Variants in CDH18 observed in about 807,000 individuals in gnomAD.
CDH18 encodes cadherin 18.
A neutral mutation model predicts 67.9 loss-of-function variants in CDH18; 31 were observed. The ratio of observed to expected loss-of-function variants is 0.46; its 90% CI spans 0.34 to 0.62. The LOEUF (loss-of-function observed/expected upper bound fraction) is 0.62, where lower values mean the gene tolerates loss of function less well. Among genes scored for constraint, CDH18 ranks in the 20% least tolerant of loss-of-function variants. The probability of loss-of-function intolerance (pLI) is 0.01; values close to 1 mark genes in which losing one functional copy is unlikely to be tolerated. For missense variants in CDH18, 890 were observed against 975.5 expected (o/e 0.91, Z 1.17); for synonymous variants, 362 against 347.2 (o/e 1.04, Z -0.48).
intron 2 of CDH18, among the ~76,000 whole-genome samples, chr5:20,048,061 A>G (rs1363351803): frequency 6.6e-6 from 1 of 151,536 alleles, no homozygotes. Flanking sequence ...ATTCCACATA[A>G]TTTTCCTGTT....
intron 1 of CDH18, among the ~76,000 whole-genome samples, chr5:20,564,310 C>T (rs984936188): frequency 1.2e-5 from 1 of 85,468 alleles, no homozygotes; most frequent in East Asian, 3.3e-4. Context: ...TGGAGTTTCG[C>T]TCTGTCACCC....
Position 20,363,078 on chromosome 5 carries a change from C to T in CDH18, c.-579-107573G>A, listed in dbSNP as rs78324786. On this transcript the variant is annotated intron_variant, in intron 1 of 14. Transcript: ENST00000507958. ...TACTGCCATGGTTGAGGCCATCGTC[C>T]TCTCTAGCCTGGATTGTGTCCATTG... Among the ~76,000 whole-genome samples the T allele has an allele frequency of 0.018, 2,726 of 152,254 alleles. 254 individuals are homozygous for T. The East Asian group carries it at 0.3, about 17-fold the overall frequency.
Position 19,743,508 on chromosome 5 carries a change from C to T in CDH18, c.523+3434G>A, listed in dbSNP as rs555510755. On this transcript the variant is annotated intron_variant, in intron 4 of 12. Transcript: ENST00000382275. ...TGCCAAAACTACCACAGACAATCTT[C>T]AAGTAAAGGAGTGTAACTGTGTTTC... 8.5e-5 allele frequency among the ~76,000 whole-genome samples: 13 copies of T among 152,264 alleles called. No individual in the cohort carries two copies. In the East Asian group the frequency reaches 2.5e-3, roughly 29 times the overall value.
intron 1 of CDH18, among the ~76,000 whole-genome samples, chr5:20,360,888 T>A (rs901183103): frequency 6.6e-6 from 1 of 152,084 alleles, no homozygotes; most frequent in African/African-American, 2.4e-5. Flanking sequence ...ACCTCCTCAC[T>A]CACAAAAATT....
chr5:20,133,545 C>T (rs1169445465), intron 2 of CDH18, among the ~76,000 whole-genome samples: 3 of 152,138 alleles, frequency 2.0e-5, no homozygotes, highest in Non-Finnish European at 4.4e-5. Flanking sequence ...CCATTAAATA[C>T]AGAATTATAA....
intron 5 of CDH18, among the ~76,000 whole-genome samples, chr5:19,695,975 G>A (rs1046416394): frequency 3.9e-5 from 6 of 152,098 alleles, no homozygotes; most frequent in East Asian, 1.9e-4. Context: ...AACTATCAGC[G>A]TAAGCATAGG....
intron 1 of CDH18, among the ~76,000 whole-genome samples, chr5:20,530,550 G>A (rs1011456576): frequency 1.3e-5 from 2 of 151,820 alleles, no homozygotes; most frequent in Non-Finnish European, 2.9e-5. Flanking sequence ...ACATAGACCA[G>A]TGGAACAGAA....
rs548504955 is a variant in CDH18 at position 20,012,014 on chromosome 5, T to C, written c.-517-20000A>G. Among the ~76,000 whole-genome samples, 12 of 152,252 alleles carry C rather than the reference T, an allele frequency of 7.9e-5. No homozygotes were observed. In the South Asian group the frequency reaches 1.0e-3, roughly 13 times the overall value. ...TTTGGAATAGTTTCAGTAGGAATGATACCAGCTCTTCTTTGTACATCTGGT... is the reference window on the plus strand; with the variant it reads ...TTTGGAATAGTTTCAGTAGGAATGACACCAGCTCTTCTTTGTACATCTGGT... On this transcript the variant is annotated intron_variant, in intron 2 of 14. Transcript: ENST00000507958.
chr5:20,223,783 G>T (rs1169714161), intron 2 of CDH18, among the ~76,000 whole-genome samples: 5 of 151,996 alleles, frequency 3.3e-5, no homozygotes, highest in Non-Finnish European at 7.4e-5. Flanking sequence ...CTTTGTGTAG[G>T]GGGAACTTGT....
chr5:20,219,880 G>A (rs527250354), intron 2 of CDH18, among the ~76,000 whole-genome samples: 1 of 151,832 alleles, frequency 6.6e-6, no homozygotes, highest in South Asian at 2.1e-4. Context: ...ATAAGGAGTA[G>A]AGATAATAAA....
intron 3 of CDH18, among the ~76,000 whole-genome samples, chr5:19,770,888 C>T (rs749024012): frequency 2.6e-5 from 4 of 152,102 alleles, no homozygotes; most frequent in Non-Finnish European, 4.4e-5. Context: ...CTTCACAGAA[C>T]TACAGATGAA....
At chr5:20,066,716 C>T (rs999939920) in intron 2 of CDH18, among the ~76,000 whole-genome samples, 1 of 151,854 alleles carries the variant, frequency 6.6e-6, no homozygotes, top group African/African-American at 2.4e-5. Flanking sequence ...GGTATATAGA[C>T]TTAAGCCTGG....
chr5:20,221,912 T>C (rs1299169569), intron 2 of CDH18, among the ~76,000 whole-genome samples: 1 of 152,194 alleles, frequency 6.6e-6, no homozygotes. Flanking sequence ...TCTTTCTTCC[T>C]TTTGCAGGTT....
chr5:20,538,909 G>GTTTTTTTTTTTTTTTTTTTT (rs35247774), intron 1 of CDH18, among the ~76,000 whole-genome samples: 1 of 118,750 alleles, frequency 8.4e-6, no homozygotes, highest in African/African-American at 3.3e-5. Context: ...TTTTTTTTTT[G>GTTTTTTTTTTTTTTTTTTTT]TTTTTTTTTT....
intron 1 of CDH18, among the ~76,000 whole-genome samples, chr5:20,383,634 C>A (rs1382616931): frequency 6.6e-6 from 1 of 152,068 alleles, no homozygotes; most frequent in Admixed American, 6.6e-5. Context: ...TATTGTATTG[C>A]AATGCTCTTT....
chr5:20,156,994 C>T (rs543928415), intron 2 of CDH18, among the ~76,000 whole-genome samples: 1 of 152,260 alleles, frequency 6.6e-6, no homozygotes, highest in South Asian at 2.1e-4. Flanking sequence ...CTAGTTCCAA[C>T]CCTGTATATA....
chr5:19,509,244 G>A (rs1028261618), intron 10 of CDH18, among the ~76,000 whole-genome samples: 3 of 151,960 alleles, frequency 2.0e-5, no homozygotes, highest in African/African-American at 7.3e-5. Context: ...AAACAATGGG[G>A]ACAAAGGAAC....
chr5:20,470,152 A>G (rs1296172278), intron 1 of CDH18, among the ~76,000 whole-genome samples: 1 of 152,044 alleles, frequency 6.6e-6, no homozygotes, highest in East Asian at 1.9e-4. Context: ...TATTGATCTC[A>G]CAATATTTTC....
chr5:19,962,395 A>AAAAAAAAAAAAAAAAAAAAAAAAAAAAAT (rs58319680), intron 2 of CDH18, among the ~76,000 whole-genome samples: 1 of 117,058 alleles, frequency 8.5e-6, no homozygotes, highest in Non-Finnish European at 1.7e-5. Flanking sequence ...AAAAAAAAAA[A>AAAAAAAAAAAAAAAAAAAAAAAAAAAAAT]AGAAAATTCA....
Sources: allele counts gnomAD v4.1 joint callset (sites outside exome capture counted in the v4.1 genomes callset), GRCh38; gene constraint gnomAD v4.1.1; transcripts MANE v1.5; gene names NCBI Gene and HGNC (gene_info 2026-07-23, HGNC 2026-07-21).